RIF1: variants seen among roughly 807,000 people sequenced by gnomAD.
RIF1 encodes the protein telomere-associated protein RIF1.
In RIF1, 45 loss-of-function variants were observed where a neutral mutation model predicts 247.1. That is an observed-to-expected ratio of 0.18 (90% CI 0.14 to 0.23). The LOEUF is 0.23. Among genes scored for constraint, RIF1 ranks in the 10% least tolerant of loss-of-function variants. The probability of loss-of-function intolerance (pLI) is 1.00; values close to 1 mark genes in which losing one functional copy is unlikely to be tolerated. For missense variants in RIF1, 2,967 were observed against 2,862.5 expected (o/e 1.04, Z -0.83); for synonymous variants, 1,087 against 978.8 (o/e 1.11, Z -2.06).
intron 9 of RIF1, chr2:151,490,059 G>T (rs771080616): frequency 1.2e-6 from 2 of 1,609,154 alleles, no homozygotes; most frequent in South Asian, 2.2e-5. Flanking sequence ...GAGCTCTGTG[G>T]TTTTTGCATG....
At chr2:151,462,734 A>G (rs1194388198) in intron 29 of RIF1, 150 bp from the exon 30 acceptor site, 4 of 630,788 alleles carry the variant, frequency 6.3e-6, no homozygotes, top group African/African-American at 5.5e-5. Context: ...TTAGGTATCT[A>G]CCACTAACTT....
the RIF1 span, among the ~76,000 whole-genome samples, chr2:151,518,150 T>A: frequency 6.6e-6 from 1 of 152,242 alleles, no homozygotes; most frequent in Non-Finnish European, 1.5e-5. Context: ...TATGTAGATG[T>A]TGTTGTAATT....
the RIF1 span, among the ~76,000 whole-genome samples, chr2:151,522,933 C>T: frequency 7.9e-5 from 12 of 152,154 alleles, no homozygotes; most frequent in African/African-American, 1.7e-4. Flanking sequence ...GCTGTCAATC[C>T]GGAGACCAGC....
rs369083039 is a variant in RIF1 at position 151,493,408 on chromosome 2, G to A, written c.*416-1821G>A. On this transcript the variant is annotated intron_variant and NMD_transcript_variant, in intron 9 of 13. Coordinates refer to the RIF1 transcript ENST00000454583. ...TCTCTCCATCTCTGGAGTAACAGGT[G>A]TCGGAGTTGCTTTTCTCATGTTCTC... The A allele has an allele frequency of 9.9e-6, 16 of 1,609,040 alleles. No homozygotes were observed. The highest frequency in any genetic ancestry group is 1.2e-5 in the Non-Finnish European group (14 of 1,178,492).
chr2:151,451,679 ATAT>A lies in RIF1; in HGVS notation c.2321_2323del (p.Ile774del), dbSNP rs1694340339. 1.4e-6 allele frequency: 2 copies of A among 1,442,184 alleles called. No homozygotes were observed. Among genetic ancestry groups the A allele is most frequent in the Non-Finnish European group, 2.0e-6 (2 of 1,025,418 alleles). The allele number at this position is 1,442,184 out of a possible 1,614,324, so 89.3% of individuals were successfully genotyped here. ...GATTGCATTGACTTCTCACCATATA[ATAT>A]TAAATATCAGCCCAAAGTTAAATGT... On this transcript the variant is annotated inframe_deletion, in exon 21 of 36. Transcript: ENST00000444746.
chr2:151,435,106 A>G (rs1690920876), intron 10 of RIF1, among the ~76,000 whole-genome samples: 1 of 152,218 alleles, frequency 6.6e-6, no homozygotes. Flanking sequence ...CAATACATTA[A>G]TTGGAATAAT....
the RIF1 span, chr2:151,533,404 C>T: frequency 7.1e-7 from 1 of 1,401,402 alleles, no homozygotes; most frequent in African/African-American, 1.4e-5. Flanking sequence ...TCCAAGACTT[C>T]TTCTAAACCT....
At chr2:151,508,356 C>T (rs1256817355), downstream of RIF1, among the ~76,000 whole-genome samples, 2 of 152,182 alleles carry the variant, frequency 1.3e-5, no homozygotes, top group African/African-American at 4.8e-5. Flanking sequence ...CATGGCAAAG[C>T]TGGCAGAGGG....
At chr2:151,469,648 C>T in intron 33 of RIF1, 63 bp from the exon 34 acceptor site, 1 of 1,241,012 alleles carries the variant, frequency 8.1e-7, no homozygotes, top group Non-Finnish European at 1.1e-6. Flanking sequence ...ACTGGATAAA[C>T]CCTTGCAAAT....
rs188884779 is a variant in RIF1, at chr2:151,459,898, A to G, written c.2956-102A>G. The G allele has an allele frequency of 1.2e-3, 1,125 of 949,760 alleles. 4 individuals are homozygous for G. Among genetic ancestry groups the G allele is most frequent in the Non-Finnish European group, 6.0e-4 (387 of 645,436 alleles). 58.8% of individuals were successfully genotyped at this position (949,760 alleles called of 1,614,324 possible). On this transcript the variant is annotated intron_variant, in intron 25 of 35. Transcript: ENST00000444746. ...TTGAATAATTAGAAAAATTTTGACA[A>G]TATTTGCAATTACTATTTATTAGGA...
intron 18 of RIF1, among the ~76,000 whole-genome samples, chr2:151,444,043 C>T (rs1692812388): frequency 6.6e-6 from 1 of 152,192 alleles, no homozygotes; most frequent in Admixed American, 6.5e-5. Flanking sequence ...GCTATATATT[C>T]CCATAGTTAA....
chr2:151,497,065 C>T, intron 10 of RIF1: 2 of 1,547,054 alleles, frequency 1.3e-6, no homozygotes, highest in Non-Finnish European at 1.8e-6. Context: ...AGAAAAACAA[C>T]CATGAGTAAC....
chr2:151,491,755 T>G, intron 9 of RIF1: 1 of 1,592,502 alleles, frequency 6.3e-7, no homozygotes, highest in Non-Finnish European at 8.6e-7. Flanking sequence ...GAACCAGGAT[T>G]AGTACGCCAG....
intron 28 of RIF1, 32 bp from the exon 29 acceptor site, chr2:151,462,379 TA>T: frequency 6.8e-7 from 1 of 1,461,532 alleles, no homozygotes; most frequent in South Asian, 1.4e-5. Flanking sequence ...CAAATAATTA[TA>T]AAAATAATAT....
rs2432955 is a variant in RIF1, at chr2:151,475,485, G to T, written c.*414G>T. ...AAAGGTGTTTATATTTTTGTTTGTT[G>T]GTTTGTTTAATTCATGTTTGTTGGG... On this transcript the variant is annotated 3_prime_UTR_variant, in exon 36 of 36. Coordinates refer to ENST00000444746, the MANE Select transcript of RIF1 (RefSeq NM_018151.5). 0.66 allele frequency: 111,864 copies of T among 169,728 alleles called. 36,452 individuals carry two copies. Among genetic ancestry groups the T allele is most frequent in the Admixed American group, 0.73 (12,594 of 17,262 alleles). 10.5% of individuals were successfully genotyped at this position (169,728 alleles called of 1,614,324 possible).
chr2:151,527,330 G>A, the RIF1 span: 15 of 697,562 alleles, frequency 2.2e-5, no homozygotes, highest in South Asian at 6.2e-5. Flanking sequence ...TTCTGAGCTC[G>A]CCTATCGCTC....
chr2:151,428,706 G>T, intron 8 of RIF1, 78 bp from the exon 9 acceptor site: 1 of 1,127,370 alleles, frequency 8.9e-7, no homozygotes. Context: ...TCTGTTAAGT[G>T]AATGAATAAA....
rs1696480121 is a variant in RIF1, at chr2:151,463,410, CAG to C, written c.3891_3892del (p.Gly1298GlufsTer2). The C allele has an allele frequency of 1.2e-6, 2 of 1,613,836 alleles. No individual in the cohort carries two copies. Among genetic ancestry groups the C allele is most frequent in the Non-Finnish European group, 1.7e-6 (2 of 1,179,934 alleles). On this transcript the variant is annotated frameshift_variant, in exon 30 of 36. Coordinates refer to ENST00000444746, the MANE Select transcript of RIF1 (RefSeq NM_018151.5). LOFTEE classifies it high-confidence loss of function. Reference sequence around the variant, plus strand: ...CGGAGAGCTGGTAAAGCTGAACAAACAGGGAATAAAAGGTCTAAGCCCTTAAT... The same window carrying C: ...CGGAGAGCTGGTAAAGCTGAACAAACGGAATAAAAGGTCTAAGCCCTTAAT...
At chr2:151,494,093 TAGG>T in intron 9 of RIF1, 1 of 1,319,528 alleles carries the variant, frequency 7.6e-7, no homozygotes, top group Non-Finnish European at 1.1e-6. Context: ...GGGACAGGGT[TAGG>T]AGCAGGCCAA....
Sources: gnomAD v4.1 joint callset for allele counts (sites outside exome capture counted in the v4.1 genomes callset) on GRCh38, gnomAD v4.1.1 for gene constraint, MANE v1.5 for transcripts, NCBI Gene and HGNC (gene_info 2026-07-23, HGNC 2026-07-21) for gene names.